TLCD5: variants seen among roughly 807,000 people sequenced by gnomAD.
TLCD5 encodes TLC domain-containing protein 5.
In TLCD5, 15 loss-of-function variants were observed where a neutral mutation model predicts 20.5. The ratio of observed to expected loss-of-function variants is 0.73; its 90% CI spans 0.49 to 1.13. The LOEUF (loss-of-function observed/expected upper bound fraction) is 1.13. Among genes scored for constraint, TLCD5 ranks in the 50% most tolerant of loss-of-function variants. The probability of loss-of-function intolerance (pLI) is 0.00; values close to 1 mark genes in which losing one functional copy is unlikely to be tolerated. For synonymous variants in TLCD5, 107 were observed against 114.7 expected (o/e 0.93, Z 0.43); for missense variants, 289 against 305.6 (o/e 0.95, Z 0.41).
chr11:120,329,819 T>A (rs1254507885), intron 2 of TLCD5, among the ~76,000 whole-genome samples, 158 bp from the exon 3 acceptor site: 1 of 152,198 alleles, frequency 6.6e-6, no homozygotes, highest in Non-Finnish European at 1.5e-5. Context: ...AGATTTTATA[T>A]TTTAGTCTTT....
In TLCD5 at chr11:120,330,642, A is replaced by G. The variant is rs1942133369; in HGVS notation, c.*127A>G. 8 of 1,134,704 alleles carry G rather than the reference A, an allele frequency of 7.1e-6. No individual in the cohort carries two copies. The highest frequency in any genetic ancestry group is 6.6e-5 in the South Asian group (4 of 60,196). 70.3% of individuals were successfully genotyped at this position (1,134,704 alleles called of 1,614,324 possible). ...AATAAAGGGCTAAATGTATTGATCAATTTGGTCAGTCTTCAAGCCGAGCAT... is the reference window on the plus strand; with the variant it reads ...AATAAAGGGCTAAATGTATTGATCAGTTTGGTCAGTCTTCAAGCCGAGCAT... On this transcript the variant is annotated 3_prime_UTR_variant, in exon 3 of 3. Transcript: ENST00000375095.
Position 120,331,941 on chromosome 11 carries a change from G to A in TLCD5, c.*1426G>A, listed in dbSNP as rs1333175502. 6.6e-6 allele frequency: 1 copy of A among 151,888 alleles called. No homozygotes were observed. Among genetic ancestry groups the A allele is most frequent in the Non-Finnish European group, 1.5e-5 (1 of 68,006 alleles). 9.4% of individuals were successfully genotyped at this position (151,888 alleles called of 1,614,324 possible). Reference sequence around the variant, plus strand: ...GTGTGTACTGGCCTCAGGGGGATGAGGTTAATTTTTTTTTTTCATTTTAGA... The same window carrying A: ...GTGTGTACTGGCCTCAGGGGGATGAAGTTAATTTTTTTTTTTCATTTTAGA... On this transcript the variant is annotated 3_prime_UTR_variant, in exon 3 of 3. Coordinates refer to ENST00000375095, the MANE Select transcript of TLCD5 (RefSeq NM_001198671.2). The surrounding 1 kb of genome is among the most constrained non-coding windows in gnomAD (Gnocchi z 4.5).
At chr11:120,328,958 A>ATG (rs1942083158) in intron 2 of TLCD5, among the ~76,000 whole-genome samples, 1 of 89,578 alleles carries the variant, frequency 1.1e-5, no homozygotes, top group African/African-American at 5.2e-5. Context: ...GTGTATGTTT[A>ATG]TGTATGCATA....
In TLCD5 at chr11:120,330,168, T is replaced by A; in HGVS notation, c.391T>A (p.Phe131Ile). The change falls in exon 3 of 3, where the codon TTT (phenylalanine) becomes ATT (isoleucine). Residue 131 changes from phenylalanine to isoleucine, a missense_variant. Phe to Ile is a conservative substitution (Grantham distance 21). Coordinates refer to ENST00000375095, the MANE Select transcript of TLCD5 (RefSeq NM_001198671.2). ...TGGCACAGAGGTCAATGCAGTCCTCTTTGGAAGTGAGCTTACCAACCCCTT... is the reference window on the plus strand; with the variant it reads ...TGGCACAGAGGTCAATGCAGTCCTCATTGGAAGTGAGCTTACCAACCCCTT... Reference protein sequence around the residue: ...ESGTEVNAVLFGSELTNPLLQ... With the variant: ...ESGTEVNAVLIGSELTNPLLQ... The A allele has an allele frequency of 1.3e-6, 2 of 1,598,068 alleles. No individual in the cohort carries two copies. The highest frequency in any genetic ancestry group is 2.7e-5 in the African/African-American group (2 of 74,878).
intron 2 of TLCD5, among the ~76,000 whole-genome samples, chr11:120,329,083 TG>T: frequency 2.0e-5 from 2 of 101,232 alleles, no homozygotes; most frequent in African/African-American, 1.3e-4. Context: ...AGTCATATTG[TG>T]TGTGTGTGTG....
At position 120,330,790 on chromosome 11, in the gene TLCD5, G is replaced by A. The variant is rs1036356514; in HGVS notation, c.*275G>A. On this transcript the variant is annotated 3_prime_UTR_variant, in exon 3 of 3. Coordinates refer to ENST00000375095, the MANE Select transcript of TLCD5 (RefSeq NM_001198671.2). ...ACAACTGGCATTTGTTTTCATTTGT[G>A]GTGACCCTGGGTCCTCCTGTCCCTG... The A allele has an allele frequency of 2.5e-5, 8 of 314,310 alleles. No homozygotes were observed. The highest frequency in any genetic ancestry group is 5.6e-5 in the East Asian group (1 of 17,706). 19.5% of individuals were successfully genotyped at this position (314,310 alleles called of 1,614,324 possible).
At chr11:120,328,762 T>TTGTGTGTG (rs1165132439) in intron 2 of TLCD5, among the ~76,000 whole-genome samples, 3 of 12,332 alleles carry the variant, frequency 2.4e-4, no homozygotes, top group Non-Finnish European at 3.3e-4. Context: ...AACAGTCATA[T>TTGTGTGTG]TGTGTGTGTG....
At chr11:120,326,582 A>G (rs984405603) in intron 1 of TLCD5, among the ~76,000 whole-genome samples, 6 of 152,206 alleles carry the variant, frequency 3.9e-5, no homozygotes, top group Non-Finnish European at 8.8e-5. Flanking sequence ...CTAACTAATA[A>G]CAACATCTTG....
chr11:120,333,450 A>G lies in TLCD5; in HGVS notation c.*2935A>G, dbSNP rs1942198496. On this transcript the variant is annotated 3_prime_UTR_variant, in exon 3 of 3. Coordinates refer to ENST00000375095, the MANE Select transcript of TLCD5 (RefSeq NM_001198671.2). The surrounding 1 kb of genome is among the most constrained non-coding windows in gnomAD (Gnocchi z 4.5). ...TTGATGTTGTTACTAATAACTATGA[A>G]AAAACTTCTGAGAGAACAATGTGAA... is the stretch of plus-strand genomic sequence containing the variant. 1 of 152,186 alleles carries G rather than the reference A, an allele frequency of 6.6e-6. No homozygotes were observed. The highest frequency in any genetic ancestry group is 2.4e-5 in the African/African-American group (1 of 41,452). The allele number at this position is 152,186 out of a possible 1,614,324, so 9.4% of individuals were successfully genotyped here.
chr11:120,329,306 G>C (rs113375110), intron 2 of TLCD5, among the ~76,000 whole-genome samples: 1 of 152,090 alleles, frequency 6.6e-6, no homozygotes, highest in South Asian at 2.1e-4. Flanking sequence ...AACTCCCCTG[G>C]AATATAATTT....
rs1438775903 is a variant in TLCD5, at chr11:120,332,668, G to A, written c.*2153G>A. ...CTGCCTCAGCCTCCCGAGTAGCTGG[G>A]ACTACAGGCGTGTGCCACCATGCCT... On this transcript the variant is annotated 3_prime_UTR_variant, in exon 3 of 3. Transcript: ENST00000375095. This position sits in a 1 kb window ranked among gnomAD's most constrained non-coding sequence, Gnocchi z 4.2. The A allele has an allele frequency of 6.6e-6, 1 of 152,402 alleles. No individual in the cohort carries two copies. The allele number at this position is 152,402 out of a possible 1,614,324, so 9.4% of individuals were successfully genotyped here.
At chr11:120,329,883 T>C in intron 2 of TLCD5, 94 bp from the exon 3 acceptor site, 1 of 1,282,342 alleles carries the variant, frequency 7.8e-7, no homozygotes, top group Admixed American at 2.2e-5. Flanking sequence ...TTCTTTAGTG[T>C]CTAGTAAGGT....
chr11:120,327,301 C>T (rs1026789774), intron 1 of TLCD5, 140 bp from the exon 2 acceptor site: 30 of 1,404,688 alleles, frequency 2.1e-5, no homozygotes, highest in African/African-American at 7.2e-5. Flanking sequence ...GATTCTTGGC[C>T]GTGTAGATAA....
rs1942174401 is a variant in TLCD5, at chr11:120,332,383, CAT to C, written c.*1869_*1870del. On this transcript the variant is annotated 3_prime_UTR_variant, in exon 3 of 3. Transcript: ENST00000375095. This position sits in a 1 kb window ranked among gnomAD's most constrained non-coding sequence, Gnocchi z 4.2. ...GTATTTATTGATTATTTATTTTTAC[CAT>C]GTTATTGAAGTCAATGGTGTTTGAT... is the stretch of plus-strand genomic sequence containing the variant. The C allele has an allele frequency of 6.6e-6, 1 of 151,846 alleles. No individual in the cohort carries two copies. Among genetic ancestry groups the C allele is most frequent in the Admixed American group, 6.6e-5 (1 of 15,254 alleles). 9.4% of individuals were successfully genotyped at this position (151,846 alleles called of 1,614,324 possible). A position where few individuals can be genotyped will look rare whatever the true frequency, so the allele number is the denominator to read the frequency against.
At position 120,325,367 on chromosome 11, in the gene TLCD5, A is replaced by G. The variant is rs553854481; in HGVS notation, c.-3A>G. 1 of 152,224 alleles carries G rather than the reference A, an allele frequency of 6.6e-6. No homozygotes were observed. The highest frequency in any genetic ancestry group is 2.4e-5 in the African/African-American group (1 of 41,556). The allele number at this position is 152,224 out of a possible 1,614,324, so 9.4% of individuals were successfully genotyped here. On this transcript the variant is annotated splice_region_variant and 5_prime_UTR_variant, in exon 1 of 3. Coordinates refer to ENST00000375095, the MANE Select transcript of TLCD5 (RefSeq NM_001198671.2). Reference sequence around the variant, plus strand: ...CCGAGGCTTCCCGGTGCGCTCCGCCAGGTAACCGCTCGGCGCGAACTGCCC... The same window carrying G: ...CCGAGGCTTCCCGGTGCGCTCCGCCGGGTAACCGCTCGGCGCGAACTGCCC...
At chr11:120,328,520 T>C (rs1281926973) in intron 2 of TLCD5, among the ~76,000 whole-genome samples, 1 of 152,134 alleles carries the variant, frequency 6.6e-6, no homozygotes, top group Non-Finnish European at 1.5e-5. Flanking sequence ...TGTTAGCAGG[T>C]TTGGTTTCTT....
In TLCD5 at chr11:120,330,399, A is replaced by T. The variant is rs1435733157; in HGVS notation, c.622A>T (p.Met208Leu). The part of the protein sequence containing the change: ...VAMYAVSWCF[M>L]FSIWRFAWRK... ...GATGTATGCTGTGTCTTGGTGTTTC[A>T]TGTTTAGCATCTGGCGCTTTGCATG... Residue 208 changes from methionine to leucine, a missense_variant, in exon 3 of 3, where the codon ATG (methionine) becomes TTG (leucine). Physicochemically the swap from Met to Leu is conservative, Grantham distance 15 (BLOSUM62 2). Coordinates refer to ENST00000375095, the MANE Select transcript of TLCD5 (RefSeq NM_001198671.2). The T allele has an allele frequency of 6.2e-7, 1 of 1,614,084 alleles. No individual in the cohort carries two copies. Among genetic ancestry groups the T allele is most frequent in the South Asian group, 1.1e-5 (1 of 91,072 alleles).
chr11:120,327,147 T>A, intron 1 of TLCD5: 4 of 561,530 alleles, frequency 7.1e-6, no homozygotes, highest in Non-Finnish European at 1.3e-5. Context: ...AGGGTTATTA[T>A]TGACATTTAC....
chr11:120,330,004 A>G lies in TLCD5; in HGVS notation c.227A>G (p.His76Arg), dbSNP rs572772033. Reference sequence around the variant, plus strand: ...TCACCCAATACACCTCTCCAAGTTCATGTCCTGTGTCTCACCTTGGGCTAC... The same window carrying G: ...TCACCCAATACACCTCTCCAAGTTCGTGTCCTGTGTCTCACCTTGGGCTAC... ...PGSPNTPLQV[H>R]VLCLTLGYFI... Residue 76 changes from histidine (H) to arginine (R), a missense_variant, in exon 3 of 3, where the codon CAT (histidine) becomes CGT (arginine). By Grantham distance (29) the His-to-Arg change is conservative (BLOSUM62 0). Coordinates refer to ENST00000375095, the MANE Select transcript of TLCD5 (RefSeq NM_001198671.2). 8.2e-5 allele frequency: 133 copies of G among 1,613,990 alleles called. No individual in the cohort carries two copies. Among genetic ancestry groups the G allele is most frequent in the Admixed American group, 1.5e-4 (9 of 60,032 alleles).
Sources: gnomAD v4.1 joint callset for allele counts (sites outside exome capture counted in the v4.1 genomes callset) on GRCh38, gnomAD v4.1.1 for gene constraint, Gnocchi (gnomAD v3.1) non-coding constraint, MANE v1.5 for transcripts, NCBI Gene and HGNC (gene_info 2026-07-23, HGNC 2026-07-21) for gene names.